SLC9A9: variants seen among roughly 807,000 people sequenced by gnomAD.
SLC9A9 encodes the protein solute carrier family 9 member A9.
Under a neutral mutation model 77.8 loss-of-function variants are expected in SLC9A9, and 62 were observed. That is an observed-to-expected ratio of 0.80 (90% CI 0.65 to 0.98). SLC9A9 has a LOEUF of 0.98. Among genes scored for constraint, SLC9A9 ranks in the 50% least tolerant of loss-of-function variants. The pLI is 0.00. For missense variants in SLC9A9, 775 were observed against 774.9 expected (o/e 1.00, Z 0.00); for synonymous variants, 320 against 283.5 (o/e 1.13, Z -1.29).
intron 11 of SLC9A9, among the ~76,000 whole-genome samples, chr3:143,483,938 C>G (rs2035613500): frequency 6.6e-6 from 1 of 152,074 alleles, no homozygotes; most frequent in African/African-American, 2.4e-5. Context: ...GCACAAATAC[C>G]TACCCAAGAA....
chr3:143,583,722 A>G lies in SLC9A9; in HGVS notation c.756-4999T>C, dbSNP rs113292198. On this transcript the variant is annotated intron_variant, in intron 6 of 15. Transcript: ENST00000316549. The stretch of plus-strand genomic sequence containing the variant: ...TTTGAAATGGTGTGTCTCACCCAGT[A>G]AGAACTAGATAAGCATTTCTTAAAT... 1.3e-3 allele frequency among the ~76,000 whole-genome samples: 194 copies of G among 152,366 alleles called. 1 individual carries two copies. The highest frequency in any genetic ancestry group is 4.3e-3 in the African/African-American group (179 of 41,584).
intron 9 of SLC9A9, among the ~76,000 whole-genome samples, chr3:143,500,078 C>T (rs1005636066): frequency 2.0e-5 from 3 of 151,720 alleles, no homozygotes; most frequent in Admixed American, 1.3e-4. Flanking sequence ...TTCCTGTTCT[C>T]TTCCTTAAAT....
chr3:143,558,423 C>A (rs908774357), intron 8 of SLC9A9, among the ~76,000 whole-genome samples: 1 of 152,160 alleles, frequency 6.6e-6, no homozygotes, highest in African/African-American at 2.4e-5. Flanking sequence ...AACAGACACC[C>A]AATACCAGCC....
chr3:143,471,065 A>C (rs927322159), intron 11 of SLC9A9, among the ~76,000 whole-genome samples: 33 of 152,196 alleles, frequency 2.2e-4, no homozygotes, highest in African/African-American at 8.0e-4. Flanking sequence ...TGAAAAGAGG[A>C]TGCCTTCTCA....
intron 4 of SLC9A9, among the ~76,000 whole-genome samples, chr3:143,706,192 C>A (rs554361470): frequency 1.3e-5 from 2 of 152,138 alleles, no homozygotes; most frequent in Non-Finnish European, 1.5e-5. Context: ...ACCCAACAGA[C>A]GAAATATGAA....
At chr3:143,804,715 C>T (rs546658576) in intron 2 of SLC9A9, among the ~76,000 whole-genome samples, 4 of 152,158 alleles carry the variant, frequency 2.6e-5, no homozygotes, top group South Asian at 2.1e-4. Context: ...GACACCAACA[C>T]GACAAAAAAG....
At chr3:143,777,469 T>C (rs2007728119) in intron 4 of SLC9A9, among the ~76,000 whole-genome samples, 1 of 152,224 alleles carries the variant, frequency 6.6e-6, no homozygotes, top group South Asian at 2.1e-4. Context: ...TTAAGATTTG[T>C]TCTGAGAAAC....
intron 9 of SLC9A9, among the ~76,000 whole-genome samples, chr3:143,542,512 G>GA (rs931814256): frequency 2.6e-5 from 4 of 151,926 alleles, no homozygotes; most frequent in African/African-American, 9.7e-5. Flanking sequence ...AAAAGAAATA[G>GA]AAAAAAATGC....
intron 4 of SLC9A9, among the ~76,000 whole-genome samples, chr3:143,695,097 C>T (rs1347494432): frequency 6.6e-6 from 1 of 152,130 alleles, no homozygotes; most frequent in South Asian, 2.1e-4. Context: ...GAGGACAGCA[C>T]ACTGCCGGTT....
intron 14 of SLC9A9, among the ~76,000 whole-genome samples, chr3:143,342,647 A>T (rs1000519955): frequency 3.3e-5 from 5 of 152,238 alleles, no homozygotes; most frequent in African/African-American, 1.2e-4. Flanking sequence ...TGTCAAGATT[A>T]ACTTAAGGTT....
chr3:143,575,818 C>T (rs1430342101), intron 7 of SLC9A9, among the ~76,000 whole-genome samples: 2 of 152,144 alleles, frequency 1.3e-5, no homozygotes, highest in East Asian at 1.9e-4. Flanking sequence ...GCCTACAACC[C>T]GAGGAGACAG....
chr3:143,379,849 T>C (rs2033263732), intron 13 of SLC9A9, among the ~76,000 whole-genome samples: 1 of 152,228 alleles, frequency 6.6e-6, no homozygotes, highest in South Asian at 2.1e-4. Context: ...CATGATTCTT[T>C]ATACCCCTCT....
chr3:143,277,587 C>G lies in SLC9A9; in HGVS notation c.1605-8607G>C, dbSNP rs142946633. On this transcript the variant is annotated intron_variant, in intron 14 of 15. Transcript: ENST00000316549. ...AAAAGATTTCCAGGGATCTTTGCCA[C>G]CTACCAGATACAGATAAAATCCATT... is the stretch of plus-strand genomic sequence containing the variant. Among the ~76,000 whole-genome samples, 39 of 152,338 alleles carry G rather than the reference C, an allele frequency of 2.6e-4. 1 individual carries two copies. The highest frequency in any genetic ancestry group is 8.9e-4 in the African/African-American group (37 of 41,574).
At chr3:143,428,258 A>G (rs1044868729) in intron 12 of SLC9A9, among the ~76,000 whole-genome samples, 1 of 152,234 alleles carries the variant, frequency 6.6e-6, no homozygotes, top group Non-Finnish European at 1.5e-5. Context: ...AAATGGATAA[A>G]AGACCTGAAT....
chr3:143,659,773 G>A (rs903825500), intron 5 of SLC9A9, among the ~76,000 whole-genome samples: 2 of 152,154 alleles, frequency 1.3e-5, no homozygotes, highest in African/African-American at 2.4e-5. Flanking sequence ...TGTAATTAAC[G>A]TTATTGATAT....
intron 14 of SLC9A9, among the ~76,000 whole-genome samples, chr3:143,343,061 T>C (rs921032578): frequency 5.9e-5 from 9 of 152,352 alleles, no homozygotes; most frequent in Non-Finnish European, 1.0e-4. Context: ...ACAACTATCC[T>C]ATTTTCTAGT....
At chr3:143,582,021 GA>G (rs945369674) in intron 6 of SLC9A9, among the ~76,000 whole-genome samples, 1 of 152,190 alleles carries the variant, frequency 6.6e-6, no homozygotes, top group Non-Finnish European at 1.5e-5. Flanking sequence ...GGGACAACTG[GA>G]AAGGAGAAAG....
intron 2 of SLC9A9, among the ~76,000 whole-genome samples, chr3:143,830,202 T>C (rs141135430): frequency 1.1e-3 from 169 of 152,306 alleles, no homozygotes; most frequent in African/African-American, 4.0e-3. Context: ...ACAGTAAGTA[T>C]GCTAGTAGAT....
At chr3:143,704,530 A>G (rs924773913) in intron 4 of SLC9A9, among the ~76,000 whole-genome samples, 1 of 152,220 alleles carries the variant, frequency 6.6e-6, no homozygotes, top group Non-Finnish European at 1.5e-5. Flanking sequence ...TCCCTTCATA[A>G]GAAAAACTCA....
Sources: allele counts gnomAD v4.1 joint callset (sites outside exome capture counted in the v4.1 genomes callset), GRCh38; gene constraint gnomAD v4.1.1; transcripts MANE v1.5; gene names NCBI Gene and HGNC (gene_info 2026-07-23, HGNC 2026-07-21).